The following ETV6 variants were observed in gnomAD, a reference collection of about 807,000 sequenced individuals.
The protein encoded by ETV6 is ETS variant transcription factor 6, also known as transcription factor ETV6.
Under a neutral mutation model 51.1 loss-of-function variants are expected in ETV6, and 16 were observed. The observed-to-expected ratio is 0.31, with a 90% confidence interval of 0.21 to 0.48. The LOEUF (loss-of-function observed/expected upper bound fraction) is 0.48. ETV6 is among the 20% of genes least tolerant of loss of function. The pLI, the probability that ETV6 is intolerant of heterozygous loss-of-function variation, is 0.99. For synonymous variants in ETV6, 240 were observed against 224.1 expected (o/e 1.07, Z -0.64); for missense variants, 458 against 594.8 (o/e 0.77, Z 2.39).
chr12:11,858,352 C>T (rs1239032694), intron 4 of ETV6, among the ~76,000 whole-genome samples: 3 of 151,676 alleles, frequency 2.0e-5, no homozygotes, highest in African/African-American at 7.3e-5. Flanking sequence ...AACTTCTTTT[C>T]ACACCTTAGG....
intron 1 of ETV6, among the ~76,000 whole-genome samples, chr12:11,728,952 C>T (rs947016107): frequency 3.9e-5 from 6 of 152,200 alleles, no homozygotes; most frequent in African/African-American, 1.4e-4. Context: ...TAATATTCTT[C>T]TTTAGCATTA....
chr12:11,736,780 A>G (rs1257241173), intron 1 of ETV6, among the ~76,000 whole-genome samples: 1 of 152,172 alleles, frequency 6.6e-6, no homozygotes, highest in Non-Finnish European at 1.5e-5. Context: ...ATTTTTATGT[A>G]GACAGTTAGA....
chr12:11,721,786 G>T (rs138821134), intron 1 of ETV6, among the ~76,000 whole-genome samples: 1 of 152,212 alleles, frequency 6.6e-6, no homozygotes, highest in Non-Finnish European at 1.5e-5. Context: ...TGGCACCCTG[G>T]CATATAATAG....
chr12:11,792,369 A>G (rs1373835316), intron 2 of ETV6, among the ~76,000 whole-genome samples: 1 of 152,166 alleles, frequency 6.6e-6, no homozygotes, highest in African/African-American at 2.4e-5. Flanking sequence ...TAGGACCCAC[A>G]CAACTCTGAG....
rs1947329940 is a variant in ETV6 at position 11,893,501 on chromosome 12, A to G, written c.*2455A>G. 4.3e-6 allele frequency: 1 copy of G among 231,604 alleles called. No individual in the cohort carries two copies. Among genetic ancestry groups the G allele is most frequent in the South Asian group, 1.8e-4 (1 of 5,518 alleles). 14.3% of individuals were successfully genotyped at this position (231,604 alleles called of 1,614,324 possible). ...GAAGAAATAGAAGGCGCTCATTCCA[A>G]TATAGTCTTTATTTCCCATTCAGAT... On this transcript the variant is annotated 3_prime_UTR_variant, in exon 8 of 8. Coordinates refer to ENST00000396373, the MANE Select transcript of ETV6 (RefSeq NM_001987.5).
At chr12:11,883,774 C>T (rs1947142506) in intron 5 of ETV6, among the ~76,000 whole-genome samples, 1 of 152,176 alleles carries the variant, frequency 6.6e-6, no homozygotes, top group Non-Finnish European at 1.5e-5. Context: ...CCATGATCCA[C>T]TATATCAAAA....
intron 5 of ETV6, among the ~76,000 whole-genome samples, chr12:11,874,684 GTATATGTGTGTA>G (rs1946950236): frequency 7.1e-5 from 1 of 14,108 alleles, no homozygotes; most frequent in Admixed American, 8.8e-4. Flanking sequence ...GTGTATATAT[GTATATGTGTGTA>G]TATATGTATA....
intron 1 of ETV6, among the ~76,000 whole-genome samples, chr12:11,718,026 C>T (rs898674070): frequency 6.6e-6 from 1 of 152,056 alleles, no homozygotes; most frequent in African/African-American, 2.4e-5. Flanking sequence ...CAACCTTCTT[C>T]GAAACATGGG....
In ETV6 at chr12:11,824,057, T is replaced by C. The variant is rs755787276; in HGVS notation, c.164-15083T>C. On this transcript the variant is annotated intron_variant, in intron 2 of 7. Coordinates refer to ENST00000396373, the MANE Select transcript of ETV6 (RefSeq NM_001987.5). ...GCGATTCACTAGGAGAACCCGAAGA[T>C]TGGTGCTCTTCTTTATGAGACACCA... Among the ~76,000 whole-genome samples, 60 of 152,220 alleles carry C rather than the reference T, an allele frequency of 3.9e-4. 1 individual carries two copies. Among genetic ancestry groups the C allele is most frequent in the Non-Finnish European group, 8.8e-5 (6 of 68,046 alleles).
intron 1 of ETV6, among the ~76,000 whole-genome samples, chr12:11,741,774 T>G (rs186639279): frequency 6.6e-6 from 1 of 152,238 alleles, no homozygotes; most frequent in Non-Finnish European, 1.5e-5. Context: ...TTAATAAGGT[T>G]TCTAAAACCT....
At chr12:11,726,987 C>G (rs1290727114) in intron 1 of ETV6, among the ~76,000 whole-genome samples, 1 of 152,202 alleles carries the variant, frequency 6.6e-6, no homozygotes, top group Non-Finnish European at 1.5e-5. Flanking sequence ...GTTACTTGTG[C>G]AAATCACACA....
intron 1 of ETV6, among the ~76,000 whole-genome samples, chr12:11,711,882 C>T (rs945392891): frequency 6.6e-6 from 1 of 152,194 alleles, no homozygotes; most frequent in African/African-American, 2.4e-5. Context: ...ACCTTCCCCC[C>T]GTGGGTGGAA....
At chr12:11,808,322 A>C (rs926663681) in intron 2 of ETV6, among the ~76,000 whole-genome samples, 3 of 152,120 alleles carry the variant, frequency 2.0e-5, no homozygotes, top group Non-Finnish European at 2.9e-5. Context: ...CATTTCCCCC[A>C]TGGGATACAA....
chr12:11,775,313 C>A (rs1200955024), intron 2 of ETV6, among the ~76,000 whole-genome samples: 1 of 152,206 alleles, frequency 6.6e-6, no homozygotes, highest in Non-Finnish European at 1.5e-5. Context: ...CACACAGATT[C>A]TAATCCTAGA....
intron 5 of ETV6, among the ~76,000 whole-genome samples, chr12:11,877,785 TCTTTC>T (rs1383084312): frequency 2.0e-5 from 3 of 152,214 alleles, no homozygotes; most frequent in Admixed American, 1.3e-4. Context: ...CCTGAGCCCT[TCTTTC>T]CTTATCTGTA....
At chr12:11,665,969 A>G (rs955590833) in intron 1 of ETV6, among the ~76,000 whole-genome samples, 2 of 152,188 alleles carry the variant, frequency 1.3e-5, no homozygotes, top group Admixed American at 6.5e-5. Flanking sequence ...AGATAAATGA[A>G]TGTATTAACT....
At chr12:11,814,235 C>T (rs1024746524) in intron 2 of ETV6, among the ~76,000 whole-genome samples, 7 of 152,108 alleles carry the variant, frequency 4.6e-5, no homozygotes, top group Non-Finnish European at 8.8e-5. Flanking sequence ...TGTTAAGTGT[C>T]TTATTTTATT....
At chr12:11,851,582 T>C (rs114625556) in intron 3 of ETV6, among the ~76,000 whole-genome samples, 1,596 of 152,368 alleles carry the variant, frequency 0.01, 25 homozygotes, top group African/African-American at 0.037. Context: ...TTCTGCCTTA[T>C]ACATAGCAGT....
chr12:11,887,158 A>G (rs1381118036), intron 7 of ETV6, among the ~76,000 whole-genome samples: 1 of 152,222 alleles, frequency 6.6e-6, no homozygotes, highest in Admixed American at 6.5e-5. Context: ...ATAAAAAAAG[A>G]ACCCTCCATT....
Sources: gnomAD v4.1 joint callset for allele counts (sites outside exome capture counted in the v4.1 genomes callset) on GRCh38, gnomAD v4.1.1 for gene constraint, MANE v1.5 for transcripts, NCBI Gene and HGNC (gene_info 2026-07-23, HGNC 2026-07-21) for gene names.